The following ZNF497 variants were observed in gnomAD, a reference collection of about 807,000 sequenced individuals.
ZNF497 encodes the protein zinc finger protein 497.
For missense variants in ZNF497, 930 were observed against 714.0 expected (o/e 1.30, Z -3.45); for synonymous variants, 422 against 313.7 (o/e 1.35, Z -3.65).
rs868758584 is a variant in ZNF497 at position 58,357,326 on chromosome 19, G to C, written c.310C>G (p.Pro104Ala). Residue 104 changes from proline to alanine, a missense_variant, in exon 3 of 3, where the codon CCG becomes GCG. Pro to Ala is a conservative substitution (Grantham distance 27). Transcript: ENST00000311044. ...CCGCACTCCCCGCACCGGCAGCCCG[G>C]CTCCTCTGGGAGAGGCGAAGGGCGC... is the stretch of plus-strand genomic sequence containing the variant. Reference protein sequence around the residue: ...ALRPSPLPEEPGCRCGECGKA... With the variant: ...ALRPSPLPEEAGCRCGECGKA... The C allele has an allele frequency of 6.2e-7, 1 of 1,603,376 alleles. No homozygotes were observed. Among genetic ancestry groups the C allele is most frequent in the Admixed American group, 1.7e-5 (1 of 58,412 alleles).
At chr19:58,361,653 G>A (rs1438235350) in intron 1 of ZNF497, among the ~76,000 whole-genome samples, 1 of 152,124 alleles carries the variant, frequency 6.6e-6, no homozygotes, top group Non-Finnish European at 1.5e-5. Context: ...CACCGCACCT[G>A]GCCTCTAGTT....
chr19:58,356,891 G>C lies in ZNF497; in HGVS notation c.745C>G (p.Arg249Gly). ...TGGCTGAAGGCCTTGCCACAGTCCC[G>C]GCAGGCGTGCGGCCGCGCGCCCGTG... is the stretch of plus-strand genomic sequence containing the variant. Reference protein sequence around the residue: ...VHTGARPHACRDCGKAFSQSS... With the variant: ...VHTGARPHACGDCGKAFSQSS... Residue 249 changes from arginine (R) to glycine (G), a missense_variant, in exon 3 of 3, where the codon CGG (arginine) becomes GGG (glycine). By Grantham distance (125) the Arg-to-Gly change is moderately radical. Coordinates refer to ENST00000311044, the MANE Select transcript of ZNF497 (RefSeq NM_198458.3). 1.3e-6 allele frequency: 2 copies of C among 1,580,568 alleles called. No individual in the cohort carries two copies. Among genetic ancestry groups the C allele is most frequent in the Non-Finnish European group, 1.7e-6 (2 of 1,169,070 alleles).
Position 58,356,160 on chromosome 19 carries a change from G to A in ZNF497, c.1476C>T (p.His492=), listed in dbSNP as rs140266067. 15 of 1,570,222 alleles carry A rather than the reference G, an allele frequency of 9.6e-6. No homozygotes were observed. Among genetic ancestry groups the A allele is most frequent in the Non-Finnish European group, 1.1e-5 (13 of 1,157,144 alleles). Residue 492 remains histidine, a synonymous_variant, in exon 3 of 3, where the codon CAC becomes CAT. Coordinates refer to ENST00000311044, the MANE Select transcript of ZNF497 (RefSeq NM_198458.3). ...RCNLNEHQKR[H]GGRAAP ...CGGGTCAGGGCGCAGCGCGGCCCCC[G>A]TGCCGCTTCTGGTGCTCGTTGAGGT...
intron 1 of ZNF497, chr19:58,359,485 A>C (rs1388155640): frequency 2.2e-6 from 1 of 456,748 alleles, no homozygotes; most frequent in Non-Finnish European, 4.4e-6. Context: ...CCTGAGGGAC[A>C]CACTGAGGTG....
chr19:58,360,767 CTTTTTTTTTTTTTT>C (rs551580074), intron 1 of ZNF497, among the ~76,000 whole-genome samples: 50 of 34,528 alleles, frequency 1.4e-3, no homozygotes, highest in South Asian at 7.1e-3. Flanking sequence ...GTCCCGAACT[CTTTTTTTTTTTTTT>C]TTTTTTTTTT....
rs1363076550 is a variant in ZNF497, at chr19:58,357,122, G to A, written c.514C>T (p.Arg172Cys). 1 of 1,608,102 alleles carries A rather than the reference G, an allele frequency of 6.2e-7. No homozygotes were observed. Among genetic ancestry groups the A allele is most frequent in the African/African-American group, 1.3e-5 (1 of 74,274 alleles). ...TGGTGGATGAGCTGCGAGTGCGCGC[G>A]GAAGGCCTTGCCGCACTCCCTGCAA... is the stretch of plus-strand genomic sequence containing the variant. ...YACRECGKAF[R>C]AHSQLIHHQE... The change falls in exon 3 of 3, where the codon CGC becomes TGC. Residue 172 changes from arginine to cysteine, a missense_variant. Arg to Cys is a radical substitution (Grantham distance 180). Transcript: ENST00000311044.
chr19:58,356,826 G>A lies in ZNF497; in HGVS notation c.810C>T (p.Gly270=), dbSNP rs2148005835. 2 of 1,571,606 alleles carry A rather than the reference G, an allele frequency of 1.3e-6. No homozygotes were observed. The highest frequency in any genetic ancestry group is 1.7e-6 in the Non-Finnish European group (2 of 1,164,648). ...NLAEHLKIHA[G]ARPHACPDCG... ...AGTCGGGACAGGCGTGTGGCCGTGC[G>A]CCCGCGTGGATCTTCAGGTGCTCGG... Residue 270 remains glycine, a synonymous_variant, in exon 3 of 3, where the codon GGC becomes GGT. Coordinates refer to ENST00000311044, the MANE Select transcript of ZNF497 (RefSeq NM_198458.3).
rs1285942461 is a variant in ZNF497, at chr19:58,356,238, G to A, written c.1398C>T (p.Gly466=). 3 of 1,607,166 alleles carry A rather than the reference G, an allele frequency of 1.9e-6. No individual in the cohort carries two copies. In the South Asian group the frequency reaches 3.3e-5, roughly 18 times the overall value. The change falls in exon 3 of 3, where the codon GGC becomes GGT. Residue 466 remains glycine (G), a synonymous_variant. Transcript: ENST00000311044. ...ELLSHRRTHT[G]ERPYACGECG... ...ACTCGCCGCAAGCGTAGGGCCTCTC[G>A]CCCGTGTGCGTGCGCCGGTGGCTTA...
At position 58,357,232 on chromosome 19, in the gene ZNF497, G is replaced by C; in HGVS notation, c.404C>G (p.Thr135Arg). 2 of 1,612,892 alleles carry C rather than the reference G, an allele frequency of 1.2e-6. No homozygotes were observed. The highest frequency in any genetic ancestry group is 1.7e-6 in the Non-Finnish European group (2 of 1,179,732). Reference protein sequence around the residue: ...RRVHTGEKPYTCPECGKAFAW... With the variant: ...RRVHTGEKPYRCPECGKAFAW... Reference sequence around the variant, plus strand: ...GAAGGCCTTGCCGCACTCGGGGCACGTGTACGGCTTCTCGCCTGTGTGCAC... The same window carrying C: ...GAAGGCCTTGCCGCACTCGGGGCACCTGTACGGCTTCTCGCCTGTGTGCAC... Residue 135 changes from threonine to arginine, a missense_variant, in exon 3 of 3, where the codon ACG becomes AGG. Transcript: ENST00000311044.
chr19:58,355,908 TG>T lies in ZNF497; in HGVS notation c.*230del. On this transcript the variant is annotated 3_prime_UTR_variant, in exon 3 of 3. Transcript: ENST00000311044. ...CCGAAGTGGAGCCTGCCGCCCTCCC[TG>T]GGGTAAGAGCCCATCCTACATGTCC... 1 of 497,840 alleles carries T rather than the reference TG, an allele frequency of 2.0e-6. No homozygotes were observed. The highest frequency in any genetic ancestry group is 3.4e-6 in the Non-Finnish European group (1 of 290,526). The allele number at this position is 497,840 out of a possible 1,614,324, so 30.8% of individuals were successfully genotyped here. A position where few individuals can be genotyped will look rare whatever the true frequency, so the allele number is the denominator to read the frequency against.
At chr19:58,359,938 C>A (rs553527511) in intron 1 of ZNF497, among the ~76,000 whole-genome samples, 1 of 149,990 alleles carries the variant, frequency 6.7e-6, no homozygotes, top group South Asian at 2.1e-4. Context: ...CGCCACTGCA[C>A]TCCAGCCTGG....
At chr19:58,362,021 C>CCCGA (rs1159116648) in intron 1 of ZNF497, among the ~76,000 whole-genome samples, 3 of 152,210 alleles carry the variant, frequency 2.0e-5, no homozygotes, top group Non-Finnish European at 2.9e-5. Flanking sequence ...CTCCAGCCTC[C>CCCGA]CCGACGTCCT....
chr19:58,358,162 A>T (rs2052049885), intron 2 of ZNF497: 1 of 1,289,878 alleles, frequency 7.8e-7, no homozygotes, highest in South Asian at 1.2e-5. Context: ...CCCTCCACAC[A>T]GTATGGGCAG....
chr19:58,356,816 G>A lies in ZNF497; in HGVS notation c.820C>T (p.His274Tyr). The A allele has an allele frequency of 6.4e-7, 1 of 1,564,816 alleles. No homozygotes were observed. The highest frequency in any genetic ancestry group is 8.6e-7 in the Non-Finnish European group (1 of 1,162,462). ...GCCTTGCCGCAGTCGGGACAGGCGT[G>A]TGGCCGTGCGCCCGCGTGGATCTTC... ...HLKIHAGARP[H>Y]ACPDCGKAFV... The change falls in exon 3 of 3, where the codon CAC becomes TAC. Residue 274 changes from histidine to tyrosine, a missense_variant. By Grantham distance (83) the His-to-Tyr change is moderately conservative. Transcript: ENST00000311044.
At chr19:58,361,535 T>G (rs1402663161) in intron 1 of ZNF497, among the ~76,000 whole-genome samples, 1 of 152,066 alleles carries the variant, frequency 6.6e-6, no homozygotes, top group East Asian at 1.9e-4. Flanking sequence ...TTTTGTGTTT[T>G]CAGTACAGAT....
Position 58,356,241 on chromosome 19 carries a change from C to A in ZNF497, c.1395G>T (p.Thr465=). ...SELLSHRRTH[T]GERPYACGEC... is the part of the protein sequence containing the mutation. ...CGCCGCAAGCGTAGGGCCTCTCGCC[C>A]GTGTGCGTGCGCCGGTGGCTTAAGA... The change falls in exon 3 of 3, where the codon ACG becomes ACT. Residue 465 remains threonine, a synonymous_variant. Coordinates refer to ENST00000311044, the MANE Select transcript of ZNF497 (RefSeq NM_198458.3). The A allele has an allele frequency of 6.2e-7, 1 of 1,606,680 alleles. No homozygotes were observed. Among genetic ancestry groups the A allele is most frequent in the East Asian group, 2.2e-5 (1 of 44,706 alleles).
chr19:58,357,436 T>G lies in ZNF497; in HGVS notation c.200A>C (p.Gln67Pro). 6.2e-7 allele frequency: 1 copy of G among 1,600,782 alleles called. No individual in the cohort carries two copies. The highest frequency in any genetic ancestry group is 8.5e-7 in the Non-Finnish European group (1 of 1,173,688). ...GCCCAGCTCCCTGCCGGGGCCTCCC[T>G]GTTCGTCCGCCGCCCCCAGTGTGGC... The part of the protein sequence containing the change: ...QQATLGAADE[Q>P]GGPGRELGPA... Residue 67 changes from glutamine to proline, a missense_variant, in exon 3 of 3, where the codon CAG becomes CCG. By Grantham distance (76) the Gln-to-Pro change is moderately conservative. Transcript: ENST00000311044.
intron 2 of ZNF497, 98 bp from the exon 3 acceptor site, chr19:58,357,747 C>A: frequency 7.8e-7 from 1 of 1,285,646 alleles, no homozygotes. Context: ...TGTCATCCCC[C>A]ACTCTTCTCC....
chr19:58,356,645 C>T lies in ZNF497; in HGVS notation c.991G>A (p.Glu331Lys). The change falls in exon 3 of 3, where the codon GAG becomes AAG. Residue 331 changes from glutamate to lysine, a missense_variant. Transcript: ENST00000311044. The stretch of plus-strand genomic sequence containing the variant: ...AAAGCCTGGCCGCACTCGGCGCACT[C>T]GAAGGGCCGCTCACCAGTGTGCGTG... ...QRTHTGERPF[E>K]CAECGQAFVM... 2 of 1,545,320 alleles carry T rather than the reference C, an allele frequency of 1.3e-6. No individual in the cohort carries two copies. Among genetic ancestry groups the T allele is most frequent in the South Asian group, 1.2e-5 (1 of 84,646 alleles).
Sources: allele counts gnomAD v4.1 joint callset (sites outside exome capture counted in the v4.1 genomes callset), GRCh38; gene constraint gnomAD v4.1.1; transcripts MANE v1.5; gene names NCBI Gene and HGNC (gene_info 2026-07-23, HGNC 2026-07-21).